The following METTL15 variants were observed in gnomAD, a reference collection of about 807,000 sequenced individuals.
METTL15 encodes the protein methyltransferase 15, mitochondrial 12S rRNA N4-cytidine.
In METTL15, 34 loss-of-function variants were observed where a neutral mutation model predicts 38.3. The observed-to-expected ratio is 0.89, with a 90% CI of 0.68 to 1.18. The LOEUF (loss-of-function observed/expected upper bound fraction) is 1.18. Ranked by LOEUF, METTL15 falls within the 50% of genes most tolerant of loss-of-function variation. The probability of loss-of-function intolerance (pLI) is 0.00; values close to 1 mark genes in which losing one functional copy is unlikely to be tolerated. For missense variants in METTL15, 438 were observed against 498.4 expected, an observed-to-expected ratio of 0.88 and a Z score of 1.15; for synonymous variants, 162 against 170.9, an observed-to-expected ratio of 0.95 and a Z score of 0.41.
At chr11:28,203,260 C>G (rs989119643) in intron 3 of METTL15, among the ~76,000 whole-genome samples, 2 of 151,946 alleles carry the variant, frequency 1.3e-5, no homozygotes, top group East Asian at 1.9e-4. Flanking sequence ...AATCTATAAC[C>G]TGTCAGTAAG....
intron 3 of METTL15, among the ~76,000 whole-genome samples, chr11:28,119,602 AAAGT>A (rs1364899487): frequency 6.6e-6 from 1 of 152,216 alleles, no homozygotes; most frequent in African/African-American, 2.4e-5. Flanking sequence ...TAAATATTTC[AAAGT>A]AAGTTTTTAC....
At chr11:28,390,131 C>T (rs916338843) in intron 5 of METTL15, among the ~76,000 whole-genome samples, 15 of 151,800 alleles carry the variant, frequency 9.9e-5, no homozygotes, top group African/African-American at 3.4e-4. Flanking sequence ...GATATTAGCC[C>T]TTTGTCAGAT....
chr11:28,449,636 A>G (rs1199742200), intron 6 of METTL15, among the ~76,000 whole-genome samples: 1 of 152,100 alleles, frequency 6.6e-6, no homozygotes, highest in African/African-American at 2.4e-5. Flanking sequence ...TTCAAGTCAC[A>G]GGCTAGCTAG....
chr11:28,211,927 T>C, intron 4 of METTL15, among the ~76,000 whole-genome samples: 1 of 151,992 alleles, frequency 6.6e-6, no homozygotes. Flanking sequence ...AGAAAATAGA[T>C]GGGAACTTGA....
intron 6 of METTL15, among the ~76,000 whole-genome samples, chr11:28,503,157 A>G (rs1217386431): frequency 8.5e-5 from 13 of 152,162 alleles, no homozygotes; most frequent in Admixed American, 8.5e-4. Flanking sequence ...AGTATTGGTA[A>G]AGTACAAACT....
intron 3 of METTL15, among the ~76,000 whole-genome samples, chr11:28,210,412 A>T (rs1323469343): frequency 6.6e-6 from 1 of 151,876 alleles, no homozygotes. Flanking sequence ...TGCGACTTTA[A>T]GTAACTATCC....
chr11:28,368,779 T>TAATCC (rs1344224594), intron 5 of METTL15, among the ~76,000 whole-genome samples: 2 of 152,014 alleles, frequency 1.3e-5, no homozygotes, highest in Non-Finnish European at 2.9e-5. Context: ...ATAGACTGGA[T>TAATCC]AAAGAAAATG....
intron 3 of METTL15, among the ~76,000 whole-genome samples, chr11:28,174,527 A>G (rs1850979598): frequency 6.6e-6 from 1 of 152,096 alleles, no homozygotes; most frequent in Non-Finnish European, 1.5e-5. Flanking sequence ...TAAGATCTCT[A>G]TTTTGGGTCA....
At chr11:28,306,432 C>G (rs372695375) in intron 6 of METTL15, among the ~76,000 whole-genome samples, 16 of 152,118 alleles carry the variant, frequency 1.1e-4, no homozygotes, top group African/African-American at 3.9e-4. Flanking sequence ...AATTTGGTGG[C>G]AGATATTTAT....
chr11:28,164,618 G>A (rs1850590865), intron 3 of METTL15, among the ~76,000 whole-genome samples: 2 of 151,932 alleles, frequency 1.3e-5, no homozygotes, highest in Non-Finnish European at 2.9e-5. Flanking sequence ...GTACAATACG[G>A]AATGATTAAA....
At chr11:28,426,836 T>G (rs1235854079) in intron 6 of METTL15, among the ~76,000 whole-genome samples, 1 of 152,130 alleles carries the variant, frequency 6.6e-6, no homozygotes, top group African/African-American at 2.4e-5. Flanking sequence ...ATGCTGGATA[T>G]TAGACCTTTG....
At chr11:28,342,792 TTTGTGAAA>T (rs1350951302) in intron 3 of METTL15, among the ~76,000 whole-genome samples, 2 of 152,210 alleles carry the variant, frequency 1.3e-5, no homozygotes, top group African/African-American at 4.8e-5. Flanking sequence ...TTAATAAAGC[TTTGTGAAA>T]TTGTTTTGTA....
At chr11:28,227,755 T>C (rs1214934623) in intron 4 of METTL15, among the ~76,000 whole-genome samples, 3 of 151,834 alleles carry the variant, frequency 2.0e-5, no homozygotes, top group African/African-American at 7.2e-5. Context: ...AGTCTTCTTG[T>C]TTCTGTGAAG....
intron 5 of METTL15, among the ~76,000 whole-genome samples, chr11:28,413,311 C>A (rs1850745401): frequency 6.6e-6 from 1 of 152,008 alleles, no homozygotes; most frequent in Non-Finnish European, 1.5e-5. Flanking sequence ...TGATAGTATT[C>A]CTTCCCTAAA....
intron 5 of METTL15, among the ~76,000 whole-genome samples, chr11:28,362,593 C>T (rs1347827283): frequency 6.6e-6 from 1 of 152,176 alleles, no homozygotes; most frequent in South Asian, 2.1e-4. Flanking sequence ...GGTTATTTGG[C>T]TCTGTGTTTT....
chr11:28,200,037 G>T (rs1391167017), intron 3 of METTL15, among the ~76,000 whole-genome samples: 4 of 152,128 alleles, frequency 2.6e-5, no homozygotes, highest in Non-Finnish European at 4.4e-5. Flanking sequence ...ATCATAGTGA[G>T]TGCTGGTGCA....
chr11:28,303,160 A>G lies in METTL15; in HGVS notation c.778+6229A>G, dbSNP rs1247318437. 3.3e-5 allele frequency among the ~76,000 whole-genome samples: 5 copies of G among 152,128 alleles called. No homozygotes were observed. The South Asian group carries it at 8.3e-4, about 25-fold the overall frequency. On this transcript the variant is annotated intron_variant, in intron 6 of 6. Transcript: ENST00000407364. ...AGCGCTCTTTTCATTCTCCGGTTAC[A>G]TCAAGGAAATTACCAGTTAAATGCT...
intron 5 of METTL15, among the ~76,000 whole-genome samples, chr11:28,373,907 A>G (rs1850274869): frequency 6.6e-6 from 1 of 152,120 alleles, no homozygotes; most frequent in Non-Finnish European, 1.5e-5. Context: ...TCCCAGCACC[A>G]CTTATTAAAT....
chr11:28,471,888 GA>G (rs1851307221), intron 6 of METTL15, among the ~76,000 whole-genome samples: 1 of 152,096 alleles, frequency 6.6e-6, no homozygotes, highest in South Asian at 2.1e-4. Flanking sequence ...TCTGTGGGGG[GA>G]AAAACTCTCT....
Sources: allele counts gnomAD v4.1 joint callset (sites outside exome capture counted in the v4.1 genomes callset), GRCh38; gene constraint gnomAD v4.1.1; transcripts MANE v1.5; gene names NCBI Gene and HGNC (gene_info 2026-07-23, HGNC 2026-07-21).